Variants in CHRM2 observed in about 807,000 individuals in gnomAD.
CHRM2 encodes the protein muscarinic acetylcholine receptor M2.
Under a neutral mutation model 25.0 loss-of-function variants are expected in CHRM2, and 8 were observed. That is an observed-to-expected ratio of 0.32 (90% CI 0.19 to 0.58). The LOEUF is 0.58. Among genes scored for constraint, CHRM2 ranks in the 20% least tolerant of loss-of-function variants. CHRM2 has a pLI of 0.88. For missense variants in CHRM2, 440 were observed against 567.1 expected (o/e 0.78, Z 2.28); for synonymous variants, 202 against 205.7 (o/e 0.98, Z 0.15).
chr7:136,938,649 G>A, intron 2 of CHRM2: 1 of 824,754 alleles, frequency 1.2e-6, no homozygotes, highest in Non-Finnish European at 2.1e-6. Context: ...CGGGCACAGG[G>A]CCCACTCGTG....
rs1795751965 is a variant in CHRM2, at chr7:136,869,955, C to T, written c.-125+537C>T. The T allele has an allele frequency of 2.0e-5, 3 of 152,410 alleles. No homozygotes were observed. 9.4% of individuals were successfully genotyped at this position (152,410 alleles called of 1,614,324 possible). ...TCCCCCGGCTCCGCTTTCGGAGCAG[C>T]CCTTGGGCGCTGGAGAGGTTTCCCA... On this transcript the variant is annotated intron_variant, in intron 2 of 3. Coordinates refer to ENST00000680005, the MANE Select transcript of CHRM2 (RefSeq NM_001006630.2). The surrounding 1 kb of genome is among the most constrained non-coding windows in gnomAD (Gnocchi z 4.9).
At chr7:137,011,215 G>GTGTGTGTGTGTGTGTATA in intron 3 of CHRM2, among the ~76,000 whole-genome samples, 12 of 134,334 alleles carry the variant, frequency 8.9e-5, no homozygotes, top group African/African-American at 3.5e-4. Flanking sequence ...GTGTGTGTGT[G>GTGTGTGTGTGTGTGTATA]TATATATATA....
At chr7:136,988,951 A>C (rs1331881948) in intron 2 of CHRM2, among the ~76,000 whole-genome samples, 2 of 152,096 alleles carry the variant, frequency 1.3e-5, no homozygotes, top group Non-Finnish European at 2.9e-5. Context: ...ATTCGAATTT[A>C]AGAAAATATT....
At chr7:136,879,740 T>C (rs1259463699) in intron 2 of CHRM2, among the ~76,000 whole-genome samples, 1 of 151,988 alleles carries the variant, frequency 6.6e-6, no homozygotes, top group Non-Finnish European at 1.5e-5. Context: ...AGAATTCCTC[T>C]TTAAATTTCT....
intron 2 of CHRM2, among the ~76,000 whole-genome samples, chr7:136,929,014 G>A (rs1247123672): frequency 6.6e-6 from 1 of 152,154 alleles, no homozygotes; most frequent in Non-Finnish European, 1.5e-5. Flanking sequence ...CAGGATCACA[G>A]AATAAAGGGC....
intron 2 of CHRM2, among the ~76,000 whole-genome samples, chr7:136,921,675 G>A (rs1359248419): frequency 6.6e-6 from 1 of 151,966 alleles, no homozygotes; most frequent in Non-Finnish European, 1.5e-5. Flanking sequence ...CCCCTACTCA[G>A]AAAATCACCT....
intron 2 of CHRM2, among the ~76,000 whole-genome samples, chr7:136,970,986 C>A (rs1029655840): frequency 6.6e-6 from 1 of 152,138 alleles, no homozygotes; most frequent in African/African-American, 2.4e-5. Flanking sequence ...CACAATTGAA[C>A]AAAATAAATT....
At chr7:136,880,138 G>A (rs897014443) in intron 2 of CHRM2, among the ~76,000 whole-genome samples, 1 of 151,132 alleles carries the variant, frequency 6.6e-6, no homozygotes, top group African/African-American at 2.4e-5. Flanking sequence ...ACATTCTCTG[G>A]TCCGGTTTAA....
intron 2 of CHRM2, among the ~76,000 whole-genome samples, chr7:136,953,724 A>G (rs1489767602): frequency 1.2e-5 from 1 of 84,610 alleles, no homozygotes; most frequent in African/African-American, 5.1e-5. Context: ...TATGCCTTAA[A>G]ATTTAATGAA....
At chr7:136,985,382 T>G (rs1354014769) in intron 2 of CHRM2, among the ~76,000 whole-genome samples, 1 of 151,482 alleles carries the variant, frequency 6.6e-6, no homozygotes. Context: ...TGGTGGCACA[T>G]GCCTGTAATC....
At chr7:137,000,540 GAAAGAAA>G (rs1339590015) in intron 3 of CHRM2, among the ~76,000 whole-genome samples, 1 of 132,468 alleles carries the variant, frequency 7.5e-6, no homozygotes, top group Non-Finnish European at 1.6e-5. Flanking sequence ...AGAAAGAAAA[GAAAGAAA>G]GAAGGAAGGA....
chr7:137,015,910 T>A lies in CHRM2; in HGVS notation c.1045T>A (p.Ser349Thr). ...TAATACCACCGTGGAGGTAGTGGGG[T>A]CTTCAGGTCAGAATGGAGATGAAAA... is the stretch of plus-strand genomic sequence containing the variant. The part of the protein sequence containing the change: ...PTNTTVEVVG[S>T]SGQNGDEKQN... Residue 349 changes from serine to threonine, a missense_variant, in exon 4 of 4, where the codon TCT becomes ACT. By Grantham distance (58) the Ser-to-Thr change is moderately conservative. This residue lies in a region of CHRM2 where 261 missense variants were observed against 261.8 expected (regional missense o/e 1.00). Coordinates refer to ENST00000680005, the MANE Select transcript of CHRM2 (RefSeq NM_001006630.2). The surrounding 1 kb of genome is among the most constrained non-coding windows in gnomAD (Gnocchi z 5.1). 1 of 1,612,770 alleles carries A rather than the reference T, an allele frequency of 6.2e-7. No individual in the cohort carries two copies.
chr7:137,003,055 G>A (rs1024698958), intron 3 of CHRM2, among the ~76,000 whole-genome samples: 3 of 152,194 alleles, frequency 2.0e-5, no homozygotes, highest in Non-Finnish European at 4.4e-5. Flanking sequence ...ATAGGCTTCC[G>A]TTTCAGGTTT....
intron 2 of CHRM2, among the ~76,000 whole-genome samples, chr7:136,958,448 CTTTTTTTTTTTTT>C (rs56127104): frequency 2.2e-5 from 2 of 91,148 alleles, no homozygotes; most frequent in Non-Finnish European, 4.2e-5. Context: ...GCAGTGTCAT[CTTTTTTTTTTTTT>C]TTTTTTTTTT....
At chr7:136,987,214 C>T (rs1802915531) in intron 2 of CHRM2, among the ~76,000 whole-genome samples, 1 of 152,162 alleles carries the variant, frequency 6.6e-6, no homozygotes, top group African/African-American at 2.4e-5. Context: ...TGCTCCAGCA[C>T]ATAGCACAGG....
At chr7:136,920,291 ATAGT>A (rs1284937659) in intron 2 of CHRM2, among the ~76,000 whole-genome samples, 1 of 152,022 alleles carries the variant, frequency 6.6e-6, no homozygotes, top group Admixed American at 6.6e-5. Flanking sequence ...CCTTTATTTT[ATAGT>A]TATTAGTAAA....
At chr7:136,928,473 A>G (rs1798868330) in intron 2 of CHRM2, among the ~76,000 whole-genome samples, 1 of 152,192 alleles carries the variant, frequency 6.6e-6, no homozygotes, top group Admixed American at 6.5e-5. Context: ...TTGATCCTGG[A>G]ACATGGTCAC....
At chr7:136,886,300 T>C (rs1390922862) in intron 2 of CHRM2, among the ~76,000 whole-genome samples, 1 of 152,188 alleles carries the variant, frequency 6.6e-6, no homozygotes, top group African/African-American at 2.4e-5. Context: ...ATGTGACTTC[T>C]CCCCATTCAT....
intron 2 of CHRM2, among the ~76,000 whole-genome samples, chr7:136,930,767 G>C (rs1173742965): frequency 6.6e-6 from 1 of 151,432 alleles, no homozygotes; most frequent in Non-Finnish European, 1.5e-5. Flanking sequence ...TGTGGTGGCG[G>C]GCACCTGTAG....
Sources: gnomAD v4.1 joint callset for allele counts (sites outside exome capture counted in the v4.1 genomes callset) on GRCh38, gnomAD v4.1.1 for gene constraint, gnomAD v4.1.1 regional missense constraint, Gnocchi (gnomAD v3.1) non-coding constraint, MANE v1.5 for transcripts, NCBI Gene and HGNC (gene_info 2026-07-23, HGNC 2026-07-21) for gene names.